Variants in SLFN11 observed in about 807,000 individuals in gnomAD.
SLFN11 encodes the protein schlafen family member 11.
Under a neutral mutation model 53.4 loss-of-function variants are expected in SLFN11, and 43 were observed. The ratio of observed to expected loss-of-function variants is 0.80; its 90% confidence interval spans 0.63 to 1.04. The LOEUF is 1.04. Ranked by LOEUF, SLFN11 falls within the 50% of genes least tolerant of loss-of-function variation. The pLI, the probability that SLFN11 is intolerant of heterozygous loss-of-function variation, is 0.00. For synonymous variants in SLFN11, 389 were observed against 394.7 expected, an observed-to-expected ratio of 0.99 and a Z score of 0.17; for missense variants, 990 against 1,079.1, an observed-to-expected ratio of 0.92 and a Z score of 1.16.
chr17:35,362,948 C>G lies in SLFN11; in HGVS notation c.860G>C (p.Cys287Ser). ...AIYKLPCVHF[C>S]QPQRPITFTL... ...GAAGGTTATCGGGCGTTGGGGTTGG[C>G]AAAAATGAACACAAGGTAGTTTGTA... Residue 287 changes from cysteine (C) to serine (S), a missense_variant, in exon 4 of 7, where the codon TGC (cysteine) becomes TCC (serine). Physicochemically the swap from Cys to Ser is moderately radical, Grantham distance 112. Coordinates refer to ENST00000685675, the MANE Select transcript of SLFN11 (RefSeq NM_001376007.1). 6.2e-7 allele frequency: 1 copy of G among 1,612,708 alleles called. No homozygotes were observed.
intron 5 of SLFN11, among the ~76,000 whole-genome samples, chr17:35,359,599 C>A (rs1567820992): frequency 1.3e-5 from 2 of 152,138 alleles, no homozygotes; most frequent in African/African-American, 2.4e-5. Flanking sequence ...AAGGCGTTGA[C>A]CTTGGTCCTG....
chr17:35,352,302 T>A lies in SLFN11; in HGVS notation c.*54A>T. On this transcript the variant is annotated 3_prime_UTR_variant, in exon 7 of 7. Coordinates refer to ENST00000685675, the MANE Select transcript of SLFN11 (RefSeq NM_001376007.1). ...GAACTAAAAAGAAAGGTTTCTACCA[T>A]CAGCAGACTGTCACCCATAGACATT... 6.3e-7 allele frequency: 1 copy of A among 1,586,556 alleles called. No individual in the cohort carries two copies. The highest frequency in any genetic ancestry group is 8.6e-7 in the Non-Finnish European group (1 of 1,162,022).
At chr17:35,357,714 A>G (rs1321412991) in intron 5 of SLFN11, among the ~76,000 whole-genome samples, 4 of 145,824 alleles carry the variant, frequency 2.7e-5, no homozygotes, top group African/African-American at 4.9e-5. Context: ...TATATAATAT[A>G]TATTTAAATA....
chr17:35,353,659 C>T lies in SLFN11; in HGVS notation c.1599G>A (p.Met533Ile). 3 of 1,173,250 alleles carry T rather than the reference C, an allele frequency of 2.6e-6. No homozygotes were observed. In the South Asian group the frequency reaches 4.9e-5, roughly 19 times the overall value. The allele number at this position is 1,173,250 out of a possible 1,614,324, so 72.7% of individuals were successfully genotyped here. A position where few individuals can be genotyped will look rare whatever the true frequency, so the allele number is the denominator to read the frequency against. The change falls in exon 6 of 7, where the codon ATG becomes ATA. Residue 533 changes from methionine to isoleucine, a missense_variant. Around this residue, in one of 3 missense-constraint regions of SLFN11, gnomAD observed 156 missense variants for 241.9 expected, o/e 0.64. Transcript: ENST00000685675. Reference sequence around the variant, plus strand: ...CAAGGCTATAGGACGCAGGGTAATCCATCGGAGACACTGCAGCCTCCAAGG... The same window carrying T: ...CAAGGCTATAGGACGCAGGGTAATCTATCGGAGACACTGCAGCCTCCAAGG... ...AEALEAAVSP[M>I]DYPASYSLAG...
Position 35,352,706 on chromosome 17 carries a change from CCA to C in SLFN11, c.2354_2355del (p.Val785GlyfsTer16). 1.9e-6 allele frequency: 3 copies of C among 1,614,194 alleles called. No individual in the cohort carries two copies. The highest frequency in any genetic ancestry group is 2.5e-6 in the Non-Finnish European group (3 of 1,180,042). Reference sequence around the variant, plus strand: ...TCTGCCACACAGGTCATTATTTGCTCCACAGTCAAGTATTTCTTAATTCGTAA... The same window carrying C: ...TCTGCCACACAGGTCATTATTTGCTCCAGTCAAGTATTTCTTAATTCGTAA... ...GTLRIKKYLT[V>X]EQIMTCVADT... On this transcript the variant is annotated frameshift_variant, in exon 7 of 7. Coordinates refer to ENST00000685675, the MANE Select transcript of SLFN11 (RefSeq NM_001376007.1). LOFTEE classifies it low-confidence loss of function (END_TRUNC).
chr17:35,352,612 T>G lies in SLFN11; in HGVS notation c.2450A>C (p.Lys817Thr), dbSNP rs755064299. 170 of 1,614,146 alleles carry G rather than the reference T, an allele frequency of 1.1e-4. 1 individual carries two copies. The Middle Eastern group carries it at 1.8e-3, about 17-fold the overall frequency. ...CTCATACTTATAGTGCTCCACTTCT[T>G]TTGCGGTGCTGACAAGCACAGCAAC... ...KDVAVLVSTAKEVEHYKYELL... is the reference protein window; with the variant it reads ...KDVAVLVSTATEVEHYKYELL... Residue 817 changes from lysine to threonine, a missense_variant, in exon 7 of 7, where the codon AAA becomes ACA. Physicochemically the swap from Lys to Thr is moderately conservative, Grantham distance 78 (BLOSUM62 -1). Coordinates refer to ENST00000685675, the MANE Select transcript of SLFN11 (RefSeq NM_001376007.1).
At chr17:35,360,133 A>G in intron 5 of SLFN11, 110 bp downstream of exon 5, 1 of 1,141,606 alleles carries the variant, frequency 8.8e-7, no homozygotes, top group Non-Finnish European at 1.3e-6. Context: ...ACGTCTTACA[A>G]ATGGGTTTGC....
intron 3 of SLFN11, among the ~76,000 whole-genome samples, chr17:35,366,488 A>T (rs754109335): frequency 6.6e-6 from 1 of 152,146 alleles, no homozygotes; most frequent in Non-Finnish European, 1.5e-5. Context: ...TACAGTCAAC[A>T]AATACCTTGC....
chr17:35,356,008 C>A (rs1398739818), intron 5 of SLFN11, among the ~76,000 whole-genome samples: 1 of 152,114 alleles, frequency 6.6e-6, no homozygotes, highest in African/African-American at 2.4e-5. Context: ...CATAAGAAAT[C>A]AATCAGGTGA....
intron 1 of SLFN11, among the ~76,000 whole-genome samples, chr17:35,369,493 C>T (rs970461914): frequency 6.6e-6 from 1 of 152,094 alleles, no homozygotes. Flanking sequence ...CAGTCCCTGG[C>T]TCCTGGATAG....
intron 1 of SLFN11, among the ~76,000 whole-genome samples, chr17:35,368,971 G>C (rs1909306964): frequency 6.6e-6 from 1 of 152,062 alleles, no homozygotes; most frequent in Non-Finnish European, 1.5e-5. Context: ...AAGAGCCCTT[G>C]GTCCCTGAAT....
At chr17:35,370,090 C>G (rs1244587003) in intron 1 of SLFN11, among the ~76,000 whole-genome samples, 1 of 152,052 alleles carries the variant, frequency 6.6e-6, no homozygotes, top group African/African-American at 2.4e-5. Context: ...CAGCAAAATA[C>G]TAGCAAACTT....
At position 35,370,071 on chromosome 17, in the gene SLFN11, C is replaced by A. The variant is rs116002962; in HGVS notation, c.-234-2371G>T. ...CACATCAAAGAAAAAAAATTATGGA[C>A]CAGTATCTCAGCAAAATACTAGCAA... On this transcript the variant is annotated intron_variant, in intron 1 of 6. Transcript: ENST00000685675. 8.8e-3 allele frequency among the ~76,000 whole-genome samples: 1,330 copies of A among 151,998 alleles called. 13 individuals are homozygous for A. Among genetic ancestry groups the A allele is most frequent in the African/African-American group, 0.03 (1,248 of 41,506 alleles).
At chr17:35,371,153 C>G (rs1321036762) in intron 1 of SLFN11, among the ~76,000 whole-genome samples, 1 of 152,014 alleles carries the variant, frequency 6.6e-6, no homozygotes, top group Non-Finnish European at 1.5e-5. Flanking sequence ...ATAGAGAACC[C>G]AGACACAAAT....
At chr17:35,368,926 A>AC in intron 1 of SLFN11, among the ~76,000 whole-genome samples, 2 of 152,086 alleles carry the variant, frequency 1.3e-5, no homozygotes, top group African/African-American at 4.8e-5. Flanking sequence ...AAAGGGAAAG[A>AC]CCCAGTCCTG....
chr17:35,363,888 G>C (rs1301065806), intron 3 of SLFN11, 62 bp from the exon 4 acceptor site: 1 of 1,316,118 alleles, frequency 7.6e-7, no homozygotes, highest in African/African-American at 1.5e-5. Context: ...TATTTATTTT[G>C]TGTCTAATAT....
At position 35,352,963 on chromosome 17, in the gene SLFN11, A is replaced by G. The variant is rs1906927647; in HGVS notation, c.2099T>C (p.Ile700Thr). The change falls in exon 7 of 7, where the codon ATC becomes ACC. Residue 700 changes from isoleucine to threonine, a missense_variant. Coordinates refer to ENST00000685675, the MANE Select transcript of SLFN11 (RefSeq NM_001376007.1). ...RAKGGPGILWIFLDYFQTSHL... is the reference protein window; with the variant it reads ...RAKGGPGILWTFLDYFQTSHL... ...GCTGGTCTGAAAGTAATCCAGAAAG[A>G]TCCAGAGAATTCCTGGGCCACCCTT... is the stretch of plus-strand genomic sequence containing the variant. 1 of 1,614,084 alleles carries G rather than the reference A, an allele frequency of 6.2e-7. No individual in the cohort carries two copies.
chr17:35,361,395 A>C (rs1908192421), intron 4 of SLFN11, among the ~76,000 whole-genome samples: 2 of 152,216 alleles, frequency 1.3e-5, no homozygotes, highest in South Asian at 4.1e-4. Context: ...ACAGGACAAT[A>C]TGAAACGGTA....
rs199743554 is a variant in SLFN11, at chr17:35,354,092, G to A, written c.1199-33C>T. 1.6e-5 allele frequency: 25 copies of A among 1,536,018 alleles called. No homozygotes were observed. In the Admixed American group the frequency reaches 2.6e-4, roughly 16 times the overall value. ...TGAAAAGAATGATAAATTAGAGGAA[G>A]AGAAATAACCCTATTGATTAAGATG... On this transcript the variant is annotated intron_variant, in intron 5 of 6. Coordinates refer to ENST00000685675, the MANE Select transcript of SLFN11 (RefSeq NM_001376007.1).
Sources: gnomAD v4.1 joint callset for allele counts (sites outside exome capture counted in the v4.1 genomes callset) on GRCh38, gnomAD v4.1.1 for gene constraint, gnomAD v4.1.1 regional missense constraint, MANE v1.5 for transcripts, NCBI Gene and HGNC (gene_info 2026-07-23, HGNC 2026-07-21) for gene names.